ARHGAP10: variants seen among roughly 807,000 people sequenced by gnomAD.
ARHGAP10 encodes the protein rho GTPase-activating protein 10.
A neutral mutation model predicts 108.6 loss-of-function variants in ARHGAP10; 87 were observed. That is an observed-to-expected ratio of 0.80 (90% confidence interval 0.67 to 0.96). The LOEUF is 0.96. ARHGAP10 is among the 40% of genes least tolerant of loss of function. The pLI is 0.00. For missense variants in ARHGAP10, 939 were observed against 954.5 expected, an observed-to-expected ratio of 0.98 and a Z score of 0.21; for synonymous variants, 347 against 341.1, an observed-to-expected ratio of 1.02 and a Z score of -0.19.
intron 18 of ARHGAP10, among the ~76,000 whole-genome samples, chr4:147,992,661 C>A (rs1740324658): frequency 6.6e-6 from 1 of 152,158 alleles, no homozygotes; most frequent in Non-Finnish European, 1.5e-5. Flanking sequence ...CTGCCTCGGC[C>A]TCCCAGAGTG....
chr4:148,054,491 AT>A (rs1729278331), intron 20 of ARHGAP10, among the ~76,000 whole-genome samples: 1 of 152,192 alleles, frequency 6.6e-6, no homozygotes, highest in South Asian at 2.1e-4. Context: ...GTAGTTTAAT[AT>A]TCTTAGTTTA....
intron 7 of ARHGAP10, among the ~76,000 whole-genome samples, chr4:147,873,546 T>C (rs6832527): frequency 0.16 from 24,504 of 150,458 alleles, 3,091 homozygotes; most frequent in African/African-American, 0.34. Context: ...GGGATAAGGG[T>C]GGGGGATGGT....
intron 10 of ARHGAP10, among the ~76,000 whole-genome samples, chr4:147,905,210 T>C (rs1236469854): frequency 1.3e-5 from 2 of 152,162 alleles, no homozygotes; most frequent in Non-Finnish European, 2.9e-5. Context: ...GTAGTTTCTT[T>C]TGCTGTGCAG....
At chr4:148,052,455 G>GAA (rs1388936016) in intron 20 of ARHGAP10, among the ~76,000 whole-genome samples, 1 of 120,596 alleles carries the variant, frequency 8.3e-6, no homozygotes, top group Non-Finnish European at 1.6e-5. Flanking sequence ...TTTGTAATAA[G>GAA]AAGTGGGAAG....
At chr4:147,973,147 AT>A (rs111825022) in intron 18 of ARHGAP10, among the ~76,000 whole-genome samples, 6 of 151,632 alleles carry the variant, frequency 4.0e-5, no homozygotes, top group South Asian at 2.1e-4. Context: ...TTCAGTGTCA[AT>A]TTTTTTTTGT....
At chr4:147,979,379 A>G (rs1465193852) in intron 18 of ARHGAP10, among the ~76,000 whole-genome samples, 2 of 151,950 alleles carry the variant, frequency 1.3e-5, no homozygotes, top group African/African-American at 4.8e-5. Flanking sequence ...GCTTTATTTC[A>G]GGGGTCTGTG....
chr4:147,955,648 G>A (rs1738763031), intron 16 of ARHGAP10, among the ~76,000 whole-genome samples: 1 of 152,032 alleles, frequency 6.6e-6, no homozygotes, highest in South Asian at 2.1e-4. Context: ...CAATTCTATA[G>A]CAAGTACTGG....
At chr4:147,896,494 G>T (rs1579172200) in intron 10 of ARHGAP10, among the ~76,000 whole-genome samples, 1 of 151,990 alleles carries the variant, frequency 6.6e-6, no homozygotes, top group African/African-American at 2.4e-5. Flanking sequence ...ATATCTACTT[G>T]TTCCTTTCAT....
chr4:147,903,377 T>G (rs1736330335), intron 10 of ARHGAP10, among the ~76,000 whole-genome samples: 1 of 152,094 alleles, frequency 6.6e-6, no homozygotes, highest in Admixed American at 6.6e-5. Context: ...TCCCCCCAAC[T>G]CCCACACATG....
chr4:148,001,006 C>G (rs1430295429), intron 18 of ARHGAP10, among the ~76,000 whole-genome samples: 2 of 152,300 alleles, frequency 1.3e-5, no homozygotes, highest in African/African-American at 2.4e-5. Flanking sequence ...TTGCCCATGC[C>G]TATGTCCTGA....
At chr4:148,057,824 C>T (rs1052991558) in intron 20 of ARHGAP10, among the ~76,000 whole-genome samples, 62 of 152,216 alleles carry the variant, frequency 4.1e-4, no homozygotes, top group African/African-American at 1.5e-3. Flanking sequence ...GGTGGTGTCA[C>T]GGTTTCCTGG....
chr4:147,966,682 T>C lies in ARHGAP10; in HGVS notation c.1559T>C (p.Val520Ala). Residue 520 changes from valine (V) to alanine (A), a missense_variant and splice_region_variant, in exon 18 of 23, where the codon GTT becomes GCT. Physicochemically the swap from Val to Ala is moderately conservative, Grantham distance 64 (BLOSUM62 0). Coordinates refer to ENST00000336498, the MANE Select transcript of ARHGAP10 (RefSeq NM_024605.4). ...TCCTCCCCCCTTACCAATTTCAGTG[T>C]TTCAAATCACTCCAAGCAGAACCTG... ...LDILVKHLTN[V>A]SNHSKQNLMT... 6.4e-7 allele frequency: 1 copy of C among 1,561,348 alleles called. No individual in the cohort carries two copies.
intron 19 of ARHGAP10, among the ~76,000 whole-genome samples, chr4:148,030,327 C>A (rs1728089666): frequency 6.6e-6 from 1 of 152,092 alleles, no homozygotes; most frequent in Admixed American, 6.5e-5. Context: ...TCTTTATAGC[C>A]CCCTTTGAAA....
chr4:147,982,109 G>T (rs956999169), intron 18 of ARHGAP10, among the ~76,000 whole-genome samples: 1 of 152,136 alleles, frequency 6.6e-6, no homozygotes, highest in Admixed American at 6.5e-5. Context: ...ATGAGTATGG[G>T]TCACTGCAGC....
intron 1 of ARHGAP10, among the ~76,000 whole-genome samples, chr4:147,737,717 G>A (rs1202670569): frequency 6.6e-6 from 1 of 152,184 alleles, no homozygotes; most frequent in African/African-American, 2.4e-5. Context: ...CTGGTCTCCA[G>A]TGTGAATGTA....
chr4:147,739,809 CACTG>C (rs372594480), intron 1 of ARHGAP10, among the ~76,000 whole-genome samples: 22 of 148,046 alleles, frequency 1.5e-4, no homozygotes, highest in African/African-American at 5.2e-4. Flanking sequence ...GATCTTGGTT[CACTG>C]CAACCTCCGC....
chr4:147,831,208 A>G (rs893023), intron 3 of ARHGAP10, among the ~76,000 whole-genome samples: 135,433 of 152,222 alleles, frequency 0.89, 61,626 homozygotes, highest in Non-Finnish European at 0.99. Flanking sequence ...CGTTGGATAC[A>G]CTCTAAATTG....
chr4:147,924,138 ATT>A (rs1311415234), intron 13 of ARHGAP10, among the ~76,000 whole-genome samples: 1 of 152,192 alleles, frequency 6.6e-6, no homozygotes, highest in Non-Finnish European at 1.5e-5. Flanking sequence ...CTGAATATTC[ATT>A]TTCACAATTA....
chr4:147,992,674 G>A (rs774949415), intron 18 of ARHGAP10, among the ~76,000 whole-genome samples: 2 of 152,112 alleles, frequency 1.3e-5, no homozygotes, highest in African/African-American at 2.4e-5. Context: ...CCAGAGTGCT[G>A]GGATTACAGA....
Sources: allele counts gnomAD v4.1 joint callset (sites outside exome capture counted in the v4.1 genomes callset), GRCh38; gene constraint gnomAD v4.1.1; transcripts MANE v1.5; gene names NCBI Gene and HGNC (gene_info 2026-07-23, HGNC 2026-07-21).